The following MLLT10 variants were observed in gnomAD, a reference collection of about 807,000 sequenced individuals.
The protein encoded by MLLT10 is MLLT10 histone lysine methyltransferase DOT1L cofactor.
A neutral mutation model predicts 129.1 loss-of-function variants in MLLT10; 30 were observed. The observed-to-expected ratio is 0.23, with a 90% CI of 0.17 to 0.32. The LOEUF (loss-of-function observed/expected upper bound fraction) is 0.32. MLLT10 is among the 10% of genes least tolerant of loss of function. The pLI is 1.00. For missense variants in MLLT10, 1,119 were observed against 1,268.3 expected (o/e 0.88, Z 1.79); for synonymous variants, 490 against 446.4 (o/e 1.10, Z -1.23).
chr10:21,730,911 G>A lies in MLLT10; in HGVS notation c.2075G>A (p.Ser692Asn), dbSNP rs779705050. ...RGSLSPRSPV[S>N]SLQIRYDQPG... is the part of the protein sequence containing the mutation. ...ATTGTTTTCAACAGATCCCCTGTAA[G>A]CAGCTTACAGATTCGCTATGATCAA... Residue 692 changes from serine (S) to asparagine (N), a missense_variant, in exon 17 of 23, where the codon AGC becomes AAC. Transcript: ENST00000307729. 5 of 1,614,144 alleles carry A rather than the reference G, an allele frequency of 3.1e-6. No individual in the cohort carries two copies. Among genetic ancestry groups the A allele is most frequent in the African/African-American group, 1.3e-5 (1 of 75,034 alleles).
chr10:21,622,371 T>C (rs968442865), intron 8 of MLLT10, among the ~76,000 whole-genome samples: 1 of 151,598 alleles, frequency 6.6e-6, no homozygotes, highest in Non-Finnish European at 1.5e-5. Context: ...TCTCCCTATG[T>C]TGCCTAGGCT....
intron 3 of MLLT10, among the ~76,000 whole-genome samples, chr10:21,555,482 C>T (rs2037788979): frequency 6.6e-6 from 1 of 151,668 alleles, no homozygotes; most frequent in African/African-American, 2.4e-5. Flanking sequence ...CTCCACCTCC[C>T]AAAGTGCTGG....
chr10:21,544,797 G>A (rs926608519), intron 3 of MLLT10, among the ~76,000 whole-genome samples: 5 of 152,284 alleles, frequency 3.3e-5, no homozygotes, highest in Middle Eastern at 3.4e-3. Context: ...AGGAGAGCAA[G>A]TGAAGACTAA....
chr10:21,707,348 A>G (rs1219307980), intron 13 of MLLT10, among the ~76,000 whole-genome samples: 1 of 151,744 alleles, frequency 6.6e-6, no homozygotes, highest in African/African-American at 2.4e-5. Flanking sequence ...ACGCGCCACC[A>G]TGCCCGGCTA....
At chr10:21,606,036 G>A (rs2044028443) in intron 5 of MLLT10, among the ~76,000 whole-genome samples, 1 of 151,662 alleles carries the variant, frequency 6.6e-6, no homozygotes, top group African/African-American at 2.4e-5. Context: ...GTCCCTTTTT[G>A]TTAATTCTCA....
chr10:21,659,023 C>T (rs1002916582), intron 9 of MLLT10, among the ~76,000 whole-genome samples: 3 of 151,900 alleles, frequency 2.0e-5, no homozygotes, highest in African/African-American at 7.3e-5. Flanking sequence ...GTTTATTAAG[C>T]TCTCCCCACC....
At chr10:21,547,902 TACTC>T (rs1483976622) in intron 3 of MLLT10, among the ~76,000 whole-genome samples, 1 of 152,208 alleles carries the variant, frequency 6.6e-6, no homozygotes, top group Non-Finnish European at 1.5e-5. Context: ...GGCTTAATAT[TACTC>T]ATGTTTTTGT....
At chr10:21,557,037 T>C (rs2130981683) in intron 3 of MLLT10, 1 of 1,427,086 alleles carries the variant, frequency 7.0e-7, no homozygotes, top group Non-Finnish European at 9.1e-7. Flanking sequence ...CAGTCTATCC[T>C]GTTTACTTGA....
At chr10:21,726,666 C>T (rs1029770118) in intron 15 of MLLT10, among the ~76,000 whole-genome samples, 1 of 139,678 alleles carries the variant, frequency 7.2e-6, no homozygotes, top group Non-Finnish European at 1.5e-5. Context: ...TGCTGTGCTG[C>T]AAAATAGCAA....
intron 8 of MLLT10, chr10:21,625,693 T>A: frequency 1.3e-6 from 1 of 766,182 alleles, no homozygotes; most frequent in Non-Finnish European, 2.4e-6. Context: ...TCAGAATGGA[T>A]CCAACAAAAG....
chr10:21,592,606 G>C (rs2042616920), intron 4 of MLLT10, among the ~76,000 whole-genome samples: 1 of 152,138 alleles, frequency 6.6e-6, no homozygotes, highest in Non-Finnish European at 1.5e-5. Flanking sequence ...ACAGGCGCCT[G>C]CCACCTTGCC....
intron 4 of MLLT10, among the ~76,000 whole-genome samples, chr10:21,587,418 T>C (rs1235865957): frequency 1.7e-5 from 2 of 119,926 alleles, no homozygotes; most frequent in Admixed American, 2.0e-4. Context: ...AGTGAGACCC[T>C]GCCTCAAAAA....
intron 9 of MLLT10, among the ~76,000 whole-genome samples, chr10:21,658,121 TATATC>T (rs1348463813): frequency 6.6e-6 from 1 of 152,210 alleles, no homozygotes; most frequent in African/African-American, 2.4e-5. Flanking sequence ...AGAAGTCTAA[TATATC>T]ATAAATATAT....
chr10:21,635,205 A>G (rs1335174357), intron 8 of MLLT10, among the ~76,000 whole-genome samples: 1 of 152,158 alleles, frequency 6.6e-6, no homozygotes, highest in African/African-American at 2.4e-5. Flanking sequence ...TTGACTAAAT[A>G]TTTAGTGCTT....
chr10:21,703,795 C>G (rs1197996854), intron 13 of MLLT10, among the ~76,000 whole-genome samples: 1 of 151,890 alleles, frequency 6.6e-6, no homozygotes, highest in Non-Finnish European at 1.5e-5. Context: ...CCGCCCGCCT[C>G]AGCCTCCCAA....
At chr10:21,615,614 T>G (rs1344042926) in intron 7 of MLLT10, among the ~76,000 whole-genome samples, 1 of 152,166 alleles carries the variant, frequency 6.6e-6, no homozygotes, top group Non-Finnish European at 1.5e-5. Flanking sequence ...ATTTTGTGAT[T>G]ATCACTTTGT....
intron 3 of MLLT10, among the ~76,000 whole-genome samples, chr10:21,540,174 T>C (rs2034875492): frequency 6.6e-6 from 1 of 152,052 alleles, no homozygotes; most frequent in Non-Finnish European, 1.5e-5. Flanking sequence ...GCGGATCACT[T>C]GGGGTCAGGA....
At chr10:21,546,060 G>A (rs1037211219) in intron 3 of MLLT10, among the ~76,000 whole-genome samples, 3 of 152,144 alleles carry the variant, frequency 2.0e-5, no homozygotes, top group African/African-American at 7.2e-5. Flanking sequence ...ATGAGATACA[G>A]AAGAATTTTT....
At chr10:21,652,623 G>T (rs922772644) in intron 9 of MLLT10, among the ~76,000 whole-genome samples, 1 of 152,196 alleles carries the variant, frequency 6.6e-6, no homozygotes, top group African/African-American at 2.4e-5. Flanking sequence ...TGAGTCTAGG[G>T]TGAGGGACCC....
Sources: allele counts gnomAD v4.1 joint callset (sites outside exome capture counted in the v4.1 genomes callset), GRCh38; gene constraint gnomAD v4.1.1; transcripts MANE v1.5; gene names NCBI Gene and HGNC (gene_info 2026-07-23, HGNC 2026-07-21).